The following ELOVL5 variants were observed in gnomAD, a reference collection of about 807,000 sequenced individuals.
The protein encoded by ELOVL5 is very long chain fatty acid elongase 5.
ELOVL5 carries 8 observed loss-of-function variants against 38.6 expected under a neutral mutation model. That is an observed-to-expected ratio of 0.21 (90% CI 0.12 to 0.37). ELOVL5 has a LOEUF of 0.37. Among genes scored for constraint, ELOVL5 ranks in the 10% least tolerant of loss-of-function variants. The pLI, the probability that ELOVL5 is intolerant of heterozygous loss-of-function variation, is 1.00. For synonymous variants in ELOVL5, 127 were observed against 133.7 expected, an observed-to-expected ratio of 0.95 and a Z score of 0.34; for missense variants, 280 against 367.8, an observed-to-expected ratio of 0.76 and a Z score of 1.95.
At chr6:53,345,059 T>G (rs1444068706) in intron 1 of ELOVL5, among the ~76,000 whole-genome samples, 1 of 152,228 alleles carries the variant, frequency 6.6e-6, no homozygotes, top group Non-Finnish European at 1.5e-5. Context: ...TCCCTGGTTC[T>G]GGGATGGGCC....
At chr6:53,284,764 A>C (rs1346197942) in intron 3 of ELOVL5, among the ~76,000 whole-genome samples, 1 of 150,576 alleles carries the variant, frequency 6.6e-6, no homozygotes, top group Non-Finnish European at 1.5e-5. Context: ...TAATTCTCAC[A>C]ATTATAAAAT....
chr6:53,286,869 GTAGTAAAAAT>G (rs1766593245), intron 3 of ELOVL5, among the ~76,000 whole-genome samples: 1 of 152,074 alleles, frequency 6.6e-6, no homozygotes, highest in Non-Finnish European at 1.5e-5. Flanking sequence ...ACATATATAT[GTAGTAAAAAT>G]ACATCCAGAG....
intron 1 of ELOVL5, among the ~76,000 whole-genome samples, chr6:53,333,682 G>C (rs986286156): frequency 1.3e-5 from 2 of 152,072 alleles, no homozygotes; most frequent in African/African-American, 4.8e-5. Context: ...AGAATGAATG[G>C]GCTCTCTTGT....
At chr6:53,287,416 G>GA (rs988536547) in intron 3 of ELOVL5, among the ~76,000 whole-genome samples, 7 of 152,296 alleles carry the variant, frequency 4.6e-5, no homozygotes, top group African/African-American at 1.7e-4. Flanking sequence ...AGAAGGTGGG[G>GA]AAAACATTGT....
rs1351117658 is a variant in ELOVL5 at position 53,275,015 on chromosome 6, CT to C, written c.496+74del. 83 of 1,436,092 alleles carry C rather than the reference CT, an allele frequency of 5.8e-5. 2 individuals carry two copies. The East Asian group carries it at 1.8e-3, about 31-fold the overall frequency. 89.0% of individuals were successfully genotyped at this position (1,436,092 alleles called of 1,614,324 possible). On this transcript the variant is annotated intron_variant, in intron 5 of 7. Coordinates refer to ENST00000304434, the MANE Select transcript of ELOVL5 (RefSeq NM_021814.5). ...ACCTAGACATTTACAGAAACAGCACCTTTTCTGAAAGCCTTAGTTTCAACTC... is the reference window on the plus strand; with the variant it reads ...ACCTAGACATTTACAGAAACAGCACCTTTCTGAAAGCCTTAGTTTCAACTC...
intron 1 of ELOVL5, among the ~76,000 whole-genome samples, chr6:53,296,504 T>C (rs777192550): frequency 7.9e-5 from 12 of 152,314 alleles, no homozygotes; most frequent in Non-Finnish European, 1.6e-4. Flanking sequence ...AGTTTTATTA[T>C]ATCATATTTA....
intron 2 of ELOVL5, chr6:53,294,623 G>C (rs1416045907): frequency 7.4e-7 from 1 of 1,345,912 alleles, no homozygotes; most frequent in Non-Finnish European, 9.7e-7. Flanking sequence ...TAGCCATTTA[G>C]AGTTGGATTT....
chr6:53,304,541 A>C (rs1211341818), intron 1 of ELOVL5, among the ~76,000 whole-genome samples: 1 of 152,226 alleles, frequency 6.6e-6, no homozygotes, highest in African/African-American at 2.4e-5. Context: ...GAAGGTCAGC[A>C]GGCAAACAAG....
chr6:53,277,159 G>T (rs1294409372), intron 3 of ELOVL5: 1 of 153,686 alleles, frequency 6.5e-6, no homozygotes, highest in East Asian at 2.0e-4. Flanking sequence ...GGAACAAGAG[G>T]TGATTACAAG....
At chr6:53,340,568 C>T (rs1011369954) in intron 1 of ELOVL5, among the ~76,000 whole-genome samples, 6 of 152,142 alleles carry the variant, frequency 3.9e-5, no homozygotes, top group Non-Finnish European at 8.8e-5. Flanking sequence ...CATTTTTTAT[C>T]TTTTATATTT....
intron 3 of ELOVL5, among the ~76,000 whole-genome samples, chr6:53,286,878 A>C (rs1370716775): frequency 6.6e-6 from 1 of 152,196 alleles, no homozygotes; most frequent in Non-Finnish European, 1.5e-5. Flanking sequence ...TGTAGTAAAA[A>C]TACATCCAGA....
At chr6:53,276,673 T>TGA (rs1581921967) in intron 3 of ELOVL5, among the ~76,000 whole-genome samples, 1 of 151,806 alleles carries the variant, frequency 6.6e-6, no homozygotes, top group Non-Finnish European at 1.5e-5. Context: ...ACCTGAGGGG[T>TGA]GAGTTAGTAA....
At chr6:53,279,218 T>G (rs78271907) in intron 3 of ELOVL5, among the ~76,000 whole-genome samples, 8 of 152,182 alleles carry the variant, frequency 5.3e-5, no homozygotes, top group Non-Finnish European at 8.8e-5. Flanking sequence ...ATGTGGTTCA[T>G]AGGATTAAAC....
chr6:53,319,635 A>G (rs769693118), intron 1 of ELOVL5, among the ~76,000 whole-genome samples: 10 of 152,082 alleles, frequency 6.6e-5, no homozygotes, highest in Non-Finnish European at 1.5e-4. Context: ...AATATTCCCT[A>G]TTTCCTTCTT....
At chr6:53,308,315 C>G (rs1767685066) in intron 1 of ELOVL5, among the ~76,000 whole-genome samples, 1 of 152,132 alleles carries the variant, frequency 6.6e-6, no homozygotes. Context: ...ATCAGTTATA[C>G]TGTAATTATC....
At position 53,270,701 on chromosome 6, in the gene ELOVL5, C is replaced by A. The variant is rs753775748; in HGVS notation, c.648G>T (p.Gln216His). Residue 216 changes from glutamine to histidine, a missense_variant, in exon 7 of 8, where the codon CAG becomes CAT. By Grantham distance (24) the Gln-to-His change is conservative (BLOSUM62 0). Coordinates refer to ENST00000304434, the MANE Select transcript of ELOVL5 (RefSeq NM_021814.5). ...QLLQFVLTII[Q>H]TSCGVIWPCT... is the part of the protein sequence containing the mutation. ...ACGGCCAGATGACCCCGCAGCTGGT[C>A]TGGATGATTGTCAGCACAAACTGAA... The A allele has an allele frequency of 6.2e-7, 1 of 1,614,170 alleles. No homozygotes were observed. Among genetic ancestry groups the A allele is most frequent in the Non-Finnish European group, 8.5e-7 (1 of 1,180,020 alleles).
At chr6:53,345,779 G>A (rs986615378) in intron 1 of ELOVL5, among the ~76,000 whole-genome samples, 1 of 152,156 alleles carries the variant, frequency 6.6e-6, no homozygotes, top group South Asian at 2.1e-4. Context: ...GAGCCCACTG[G>A]GCAAATAATC....
At chr6:53,281,907 AG>A (rs1250890882) in intron 3 of ELOVL5, among the ~76,000 whole-genome samples, 10 of 152,060 alleles carry the variant, frequency 6.6e-5, no homozygotes, top group Non-Finnish European at 1.3e-4. Flanking sequence ...TAAAAAAGAC[AG>A]GTTCTGTACA....
At chr6:53,326,774 C>T (rs1290930105) in intron 1 of ELOVL5, among the ~76,000 whole-genome samples, 1 of 152,182 alleles carries the variant, frequency 6.6e-6, no homozygotes, top group African/African-American at 2.4e-5. Context: ...GCCCTAGGCA[C>T]CAGCAAGTAC....
Sources: gnomAD v4.1 joint callset for allele counts (sites outside exome capture counted in the v4.1 genomes callset) on GRCh38, gnomAD v4.1.1 for gene constraint, MANE v1.5 for transcripts, NCBI Gene and HGNC (gene_info 2026-07-23, HGNC 2026-07-21) for gene names.